SVEP1: variants seen among roughly 807,000 people sequenced by gnomAD.
SVEP1 encodes the protein sushi, von Willebrand factor type A, EGF and pentraxin domain-containing protein 1.
Under a neutral mutation model 367.3 loss-of-function variants are expected in SVEP1, and 164 were observed. The ratio of observed to expected loss-of-function variants is 0.45; its 90% CI spans 0.39 to 0.51. SVEP1 has a LOEUF of 0.51. Ranked by LOEUF, SVEP1 falls within the 20% of genes least tolerant of loss-of-function variation. The probability of loss-of-function intolerance (pLI) is 0.00; values close to 1 mark genes in which losing one functional copy is unlikely to be tolerated. For synonymous variants in SVEP1, 1,666 were observed against 1,611.6 expected (o/e 1.03, Z -0.81); for missense variants, 4,117 against 4,425.3 (o/e 0.93, Z 1.98).
At chr9:110,483,840 T>C (rs914278396) in intron 9 of SVEP1, 147 bp from the exon 10 acceptor site, 4 of 473,504 alleles carry the variant, frequency 8.4e-6, no homozygotes, top group African/African-American at 4.0e-5. Context: ...TCCTGTGATA[T>C]CTTTTCCCTG....
chr9:110,543,616 T>G lies in SVEP1; in HGVS notation c.964+2499A>C, dbSNP rs10122923. ...TGTCCCCTGGGATGCAAAATTCTAG[T>G]GCTGTGGAACAGCAAGAGTCGCAGC... is the stretch of plus-strand genomic sequence containing the variant. On this transcript the variant is annotated intron_variant, in intron 3 of 47. Coordinates refer to ENST00000374469, the MANE Select transcript of SVEP1 (RefSeq NM_153366.4). Among the ~76,000 whole-genome samples the G allele has an allele frequency of 6.8e-3, 1,031 of 152,296 alleles. 15 individuals carry two copies. The highest frequency in any genetic ancestry group is 0.023 in the African/African-American group (976 of 41,564).
Position 110,416,102 on chromosome 9 carries a change from C to T in SVEP1, c.5976-4367G>A, listed in dbSNP as rs911206460. ...AAGGGGTTACCATAGATAAAACAAG[C>T]CCTGTTTACTATAAGGGCACAATCT... On this transcript the variant is annotated intron_variant, in intron 36 of 47. Transcript: ENST00000374469. Among the ~76,000 whole-genome samples, 6 of 151,872 alleles carry T rather than the reference C, an allele frequency of 4.0e-5. 1 individual carries two copies. Among genetic ancestry groups the T allele is most frequent in the Admixed American group, 2.0e-4 (3 of 15,258 alleles).
At position 110,406,903 on chromosome 9, in the gene SVEP1, A is replaced by G. The variant is rs749885331; in HGVS notation, c.8697T>C (p.Asn2899=). The change falls in exon 38 of 48, where the codon AAT becomes AAC. Residue 2899 remains asparagine (N), a synonymous_variant. Coordinates refer to ENST00000374469, the MANE Select transcript of SVEP1 (RefSeq NM_153366.4). ...VRCATPPQLA[N]GVTEGLDYGF... ...CATAGTCCAGGCCTTCCGTCACCCC[A>G]TTGGCCAGTTGTGGCGGGGTGGCAC... 1 of 1,613,712 alleles carries G rather than the reference A, an allele frequency of 6.2e-7. No individual in the cohort carries two copies. The highest frequency in any genetic ancestry group is 8.5e-7 in the Non-Finnish European group (1 of 1,179,874).
intron 5 of SVEP1, among the ~76,000 whole-genome samples, chr9:110,511,803 T>C (rs1329007909): frequency 6.6e-6 from 1 of 152,056 alleles, no homozygotes; most frequent in Non-Finnish European, 1.5e-5. Flanking sequence ...CTTGGAGTCA[T>C]GAGTAGGTGG....
At chr9:110,554,275 A>T (rs553441952) in intron 1 of SVEP1, among the ~76,000 whole-genome samples, 1 of 152,084 alleles carries the variant, frequency 6.6e-6, no homozygotes, top group Non-Finnish European at 1.5e-5. Flanking sequence ...AGAGCTTGAG[A>T]GTCTGCTTAT....
At chr9:110,460,602 A>T (rs183527408) in intron 18 of SVEP1, among the ~76,000 whole-genome samples, 145 of 152,236 alleles carry the variant, frequency 9.5e-4, no homozygotes, top group Middle Eastern at 6.8e-3. Context: ...AAAGTACAAA[A>T]ATTAGCCAGT....
At chr9:110,521,565 A>T (rs1332147115) in intron 3 of SVEP1, among the ~76,000 whole-genome samples, 1 of 152,234 alleles carries the variant, frequency 6.6e-6, no homozygotes, top group Non-Finnish European at 1.5e-5. Flanking sequence ...GGATCAATAT[A>T]TGTGTATGCA....
At chr9:110,507,244 TTTG>T (rs1829639391) in intron 5 of SVEP1, among the ~76,000 whole-genome samples, 1 of 152,302 alleles carries the variant, frequency 6.6e-6, no homozygotes, top group African/African-American at 2.4e-5. Flanking sequence ...ACTCAAGAAT[TTTG>T]TTGAGACTCC....
chr9:110,561,895 G>T (rs781080690), intron 1 of SVEP1, among the ~76,000 whole-genome samples: 2 of 152,152 alleles, frequency 1.3e-5, no homozygotes, highest in Non-Finnish European at 2.9e-5. Flanking sequence ...AAAGAAAAAG[G>T]TTGGTTGGCC....
At chr9:110,490,324 T>C (rs1345854424) in intron 8 of SVEP1, among the ~76,000 whole-genome samples, 1 of 152,192 alleles carries the variant, frequency 6.6e-6, no homozygotes, top group Non-Finnish European at 1.5e-5. Flanking sequence ...ATCTTTTCTT[T>C]ATGCTGGAAC....
chr9:110,411,108 C>G lies in SVEP1; in HGVS notation c.6603G>C (p.Pro2201=), dbSNP rs568846578. Residue 2201 remains proline, a synonymous_variant, in exon 37 of 48, where the codon CCG becomes CCC. Coordinates refer to ENST00000374469, the MANE Select transcript of SVEP1 (RefSeq NM_153366.4). ...QWSSPIPTCH[P]VSCGEPPKVE... ...CCTTAGGTGGTTCACCACAAGATAC[C>G]GGGTGGCACGTCGGTATAGGACTAC... 6.2e-7 allele frequency: 1 copy of G among 1,608,462 alleles called. No homozygotes were observed.
Position 110,455,660 on chromosome 9 carries a change from A to G in SVEP1, c.3717T>C (p.Pro1239=). Residue 1239 remains proline, a synonymous_variant, in exon 22 of 48, where the codon CCT becomes CCC. Coordinates refer to ENST00000374469, the MANE Select transcript of SVEP1 (RefSeq NM_153366.4). The stretch of plus-strand genomic sequence containing the variant: ...CTTTACAAACTCCATTGTTGAGGCA[A>G]GGCAGTGGGCTGCACTCATCGATGT... ...ETDIDECSPL[P]CLNNGVCKDL... is the part of the protein sequence containing the mutation. 1 of 1,613,590 alleles carries G rather than the reference A, an allele frequency of 6.2e-7. No homozygotes were observed. The highest frequency in any genetic ancestry group is 8.5e-7 in the Non-Finnish European group (1 of 1,179,688).
chr9:110,508,321 A>G (rs4427239), intron 5 of SVEP1, among the ~76,000 whole-genome samples: 145,844 of 152,148 alleles, frequency 0.96, 70,106 homozygotes, highest in African/African-American at 0.99. Flanking sequence ...CGTGCTTCCT[A>G]TTAGTCTCCA....
intron 46 of SVEP1, among the ~76,000 whole-genome samples, chr9:110,372,057 G>A (rs1267805157): frequency 5.3e-5 from 8 of 152,248 alleles, no homozygotes; most frequent in Admixed American, 5.2e-4. Context: ...CATCTTTAGA[G>A]CTTCATTCCA....
chr9:110,416,709 T>G (rs1461534450), intron 36 of SVEP1, among the ~76,000 whole-genome samples: 1 of 152,066 alleles, frequency 6.6e-6, no homozygotes, highest in African/African-American at 2.4e-5. Flanking sequence ...CATAGTCATC[T>G]CATAGCAAAA....
intron 2 of SVEP1, 134 bp downstream of exon 2, chr9:110,549,715 A>G: frequency 8.5e-7 from 1 of 1,177,360 alleles, no homozygotes; most frequent in South Asian, 1.6e-5. Context: ...CATGATGCCC[A>G]AAGGACACAT....
chr9:110,445,788 G>A lies in SVEP1; in HGVS notation c.4463+49C>T, dbSNP rs756551404. The stretch of plus-strand genomic sequence containing the variant: ...CCATCCTCAATGTCAGTTCTAATTC[G>A]GTTCCAAGATAAGATCTTAAGCATA... On this transcript the variant is annotated intron_variant, in intron 26 of 47. Transcript: ENST00000374469. The A allele has an allele frequency of 1.1e-5, 17 of 1,597,778 alleles. No individual in the cohort carries two copies. In the Admixed American group the frequency reaches 1.3e-4, roughly 13 times the overall value.
chr9:110,506,095 T>C (rs1224094132), intron 5 of SVEP1, among the ~76,000 whole-genome samples: 2 of 152,182 alleles, frequency 1.3e-5, no homozygotes, highest in Non-Finnish European at 2.9e-5. Flanking sequence ...TGTGTTAGTT[T>C]GCTGAGAATG....
chr9:110,386,343 T>TGA lies in SVEP1; in HGVS notation c.10061-271_10061-270dup, dbSNP rs545662435. ...AAAGTTGAAGATGACAATTTATGCC[T>TGA]GAAATTATGGGCCACAACATTATTT... On this transcript the variant is annotated intron_variant, in intron 42 of 47. Coordinates refer to ENST00000374469, the MANE Select transcript of SVEP1 (RefSeq NM_153366.4). Among the ~76,000 whole-genome samples the TGA allele has an allele frequency of 3.4e-3, 514 of 152,354 alleles. 3 individuals carry two copies. Among genetic ancestry groups the TGA allele is most frequent in the African/African-American group, 0.012 (486 of 41,578 alleles).
Sources: gnomAD v4.1 joint callset for allele counts (sites outside exome capture counted in the v4.1 genomes callset) on GRCh38, gnomAD v4.1.1 for gene constraint, MANE v1.5 for transcripts, NCBI Gene and HGNC (gene_info 2026-07-23, HGNC 2026-07-21) for gene names.